OR9G1: variants seen among roughly 807,000 people sequenced by gnomAD.
OR9G1 encodes the protein olfactory receptor family 9 subfamily G member 1, also known as olfactory receptor 9G1.
Under a neutral mutation model 14.5 loss-of-function variants are expected in OR9G1, and 21 were observed. That is an observed-to-expected ratio of 1.45 (90% CI 1.03 to 2.09). The LOEUF is 2.09. Among genes scored for constraint, OR9G1 ranks in the 30% most tolerant of loss-of-function variants. The probability of loss-of-function intolerance (pLI) is 0.00; values close to 1 mark genes in which losing one functional copy is unlikely to be tolerated. For missense variants in OR9G1, 476 were observed against 364.2 expected (o/e 1.31, Z -2.50); for synonymous variants, 179 against 153.3 (o/e 1.17, Z -1.24).
At chr11:56,699,387 A>T (rs1487603030) in intron 1 of OR9G1, among the ~76,000 whole-genome samples, 197 bp downstream of exon 1, 1 of 152,312 alleles carries the variant, frequency 6.6e-6, no homozygotes, top group Non-Finnish European at 1.5e-5. Flanking sequence ...ATTTACTCAG[A>T]AATAACACTG....
Position 56,703,337 on chromosome 11 carries a change from C to A in OR9G1, c.*2032C>A, listed in dbSNP as rs1263387327. The A allele has an allele frequency of 9.4e-6, 1 of 106,294 alleles. No individual in the cohort carries two copies. Among genetic ancestry groups the A allele is most frequent in the African/African-American group, 3.5e-5 (1 of 28,336 alleles). The allele number at this position is 106,294 out of a possible 1,614,324, so 6.6% of individuals were successfully genotyped here. A position where few individuals can be genotyped will look rare whatever the true frequency, so the allele number is the denominator to read the frequency against. ...GAAATAAAATCAATGCAAGTTGCAACACACAGTAACACAGCCGAAACAGAG... is the reference window on the plus strand; with the variant it reads ...GAAATAAAATCAATGCAAGTTGCAAAACACAGTAACACAGCCGAAACAGAG... On this transcript the variant is annotated 3_prime_UTR_variant, in exon 2 of 2. Coordinates refer to ENST00000642097, the MANE Select transcript of OR9G1 (RefSeq NM_001005213.2).
At position 56,701,007 on chromosome 11, in the gene OR9G1, T is replaced by C; in HGVS notation, c.620T>C (p.Ile207Thr). The change falls in exon 2 of 2, where the codon ATC (isoleucine) becomes ACC (threonine). Residue 207 changes from isoleucine (I) to threonine (T), a missense_variant. This residue lies in a region of OR9G1 where 352 missense variants were observed against 211.6 expected (regional missense o/e 1.66). Coordinates refer to ENST00000642097, the MANE Select transcript of OR9G1 (RefSeq NM_001005213.2). ...MMYFLLASNV[I>T]CPAVLILASY... is the part of the protein sequence containing the mutation. ...TACTTCCTGCTGGCCTCCAATGTCA[T>C]CTGCCCCGCAGTGCTCATCCTGGCC... 1 of 1,614,272 alleles carries C rather than the reference T, an allele frequency of 6.2e-7. No individual in the cohort carries two copies. Among genetic ancestry groups the C allele is most frequent in the East Asian group, 2.2e-5 (1 of 44,896 alleles).
rs139056489 is a variant in OR9G1, at chr11:56,701,053, C to A, written c.666C>A (p.Thr222=). Reference sequence around the variant, plus strand: ...TGGCCTCCTACCTCTTTATCATCACCAGTGTCTTGAGGATCTCCTCCTCCA... The same window carrying A: ...TGGCCTCCTACCTCTTTATCATCACAAGTGTCTTGAGGATCTCCTCCTCCA... The part of the protein sequence containing the change: ...LILASYLFII[T]SVLRISSSKG... The change falls in exon 2 of 2, where the codon ACC becomes ACA. Residue 222 remains threonine, a synonymous_variant. Coordinates refer to ENST00000642097, the MANE Select transcript of OR9G1 (RefSeq NM_001005213.2). 11,380 of 1,613,046 alleles carry A rather than the reference C, an allele frequency of 7.1e-3. No homozygotes were observed. The highest frequency in any genetic ancestry group is 8.2e-3 in the Non-Finnish European group (9,647 of 1,179,076).
Position 56,702,068 on chromosome 11 carries a change from G to A in OR9G1, c.*763G>A, listed in dbSNP as rs546198946. The A allele has an allele frequency of 2.0e-4, 31 of 152,336 alleles. No individual in the cohort carries two copies. The highest frequency in any genetic ancestry group is 7.2e-4 in the African/African-American group (30 of 41,584). 9.4% of individuals were successfully genotyped at this position (152,336 alleles called of 1,614,324 possible). A position where few individuals can be genotyped will look rare whatever the true frequency, so the allele number is the denominator to read the frequency against. Reference sequence around the variant, plus strand: ...AAGTGAAACAATTTCAAAAATAAAAGTCTATGAGTACACATTGATCAACAG... The same window carrying A: ...AAGTGAAACAATTTCAAAAATAAAAATCTATGAGTACACATTGATCAACAG... On this transcript the variant is annotated 3_prime_UTR_variant, in exon 2 of 2. Transcript: ENST00000642097.
Position 56,701,080 on chromosome 11 carries a change from G to A in OR9G1, c.693G>A (p.Lys231=), listed in dbSNP as rs761499072. 5.0e-6 allele frequency: 8 copies of A among 1,614,296 alleles called. No homozygotes were observed. Among genetic ancestry groups the A allele is most frequent in the Admixed American group, 1.7e-5 (1 of 60,038 alleles). The change falls in exon 2 of 2, where the codon AAG becomes AAA. Residue 231 remains lysine, a synonymous_variant. Coordinates refer to ENST00000642097, the MANE Select transcript of OR9G1 (RefSeq NM_001005213.2). The part of the protein sequence containing the change: ...ITSVLRISSS[K]GYLKAFSTCS... ...GTGTCTTGAGGATCTCCTCCTCCAA[G>A]GGCTACCTCAAAGCCTTCTCCACAT...
rs760022880 is a variant in OR9G1, at chr11:56,700,811, T to C, written c.424T>C (p.Leu142=). 10 of 1,614,306 alleles carry C rather than the reference T, an allele frequency of 6.2e-6. No homozygotes were observed. The highest frequency in any genetic ancestry group is 7.6e-6 in the Non-Finnish European group (9 of 1,180,054). ...AQAMSIKLCA[L]LVAVSYCGGF... is the part of the protein sequence containing the mutation. ...GGCCATGTCCATAAAGCTGTGTGCATTGCTGGTAGCAGTCTCATATTGTGG... is the reference window on the plus strand; with the variant it reads ...GGCCATGTCCATAAAGCTGTGTGCACTGCTGGTAGCAGTCTCATATTGTGG... The change falls in exon 2 of 2, where the codon TTG becomes CTG. Residue 142 remains leucine (L), a synonymous_variant. Transcript: ENST00000642097.
Position 56,700,885 on chromosome 11 carries a change from C to A in OR9G1, c.498C>A (p.Asn166Lys), listed in dbSNP as rs779909168. 1.9e-6 allele frequency: 3 copies of A among 1,614,148 alleles called. No individual in the cohort carries two copies. The highest frequency in any genetic ancestry group is 1.7e-5 in the Admixed American group (1 of 60,014). Residue 166 changes from asparagine to lysine, a missense_variant, in exon 2 of 2, where the codon AAC (asparagine) becomes AAA (lysine). Physicochemically the swap from Asn to Lys is moderately conservative, Grantham distance 94 (BLOSUM62 0). Around this residue, in one of 3 missense-constraint regions of OR9G1, gnomAD observed 352 missense variants for 211.6 expected, o/e 1.66. Coordinates refer to ENST00000642097, the MANE Select transcript of OR9G1 (RefSeq NM_001005213.2). ...SIITKKTFSF[N>K]FCRENIIDDF... Reference sequence around the variant, plus strand: ...TCACCAAGAAAACGTTTTCCTTTAACTTCTGCCGTGAAAACATCATTGATG... The same window carrying A: ...TCACCAAGAAAACGTTTTCCTTTAAATTCTGCCGTGAAAACATCATTGATG...
intron 1 of OR9G1, among the ~76,000 whole-genome samples, chr11:56,699,943 A>G (rs940245437): frequency 2.0e-5 from 3 of 152,418 alleles, no homozygotes; most frequent in African/African-American, 4.8e-5. Context: ...ATGCTTTCAT[A>G]ATGTTTCAAT....
chr11:56,703,365 C>T lies in OR9G1; in HGVS notation c.*2060C>T, dbSNP rs556299327. The T allele has an allele frequency of 1.3e-5, 2 of 152,416 alleles. No homozygotes were observed. The highest frequency in any genetic ancestry group is 4.1e-4 in the South Asian group (2 of 4,834). 9.4% of individuals were successfully genotyped at this position (152,416 alleles called of 1,614,324 possible). On this transcript the variant is annotated 3_prime_UTR_variant, in exon 2 of 2. Transcript: ENST00000642097. ...ACAGTAACACAGCCGAAACAGAGTC[C>T]AACAGTGTAATTCCAAGATGCTCGT...
chr11:56,700,912 C>T lies in OR9G1; in HGVS notation c.525C>T (p.Asp175=), dbSNP rs774041925. The T allele has an allele frequency of 1.2e-6, 2 of 1,614,266 alleles. No homozygotes were observed. The highest frequency in any genetic ancestry group is 1.7e-6 in the Non-Finnish European group (2 of 1,180,014). Residue 175 remains aspartate, a synonymous_variant, in exon 2 of 2, where the codon GAC becomes GAT. Coordinates refer to ENST00000642097, the MANE Select transcript of OR9G1 (RefSeq NM_001005213.2). ...TCTGCCGTGAAAACATCATTGATGA[C>T]TTTTTCTGTGATTTGCTTCCCTTGG... The part of the protein sequence containing the change: ...FNFCRENIID[D]FFCDLLPLVE...
Position 56,702,505 on chromosome 11 carries a change from T to TCC in OR9G1, c.*1202_*1203dup, listed in dbSNP as rs924868679. The TCC allele has an allele frequency of 1.3e-5, 2 of 152,246 alleles. No individual in the cohort carries two copies. The highest frequency in any genetic ancestry group is 4.8e-5 in the African/African-American group (2 of 41,480). 9.4% of individuals were successfully genotyped at this position (152,246 alleles called of 1,614,324 possible). On this transcript the variant is annotated 3_prime_UTR_variant, in exon 2 of 2. Transcript: ENST00000642097. Reference sequence around the variant, plus strand: ...TCAAAATGGCTGTGCTAATGTACATTCCCATCAATGGAGTATAAGAGTTCC... The same window carrying TCC: ...TCAAAATGGCTGTGCTAATGTACATTCCCCCATCAATGGAGTATAAGAGTTCC...
At position 56,701,960 on chromosome 11, in the gene OR9G1, C is replaced by A. The variant is rs1158542621; in HGVS notation, c.*655C>A. On this transcript the variant is annotated 3_prime_UTR_variant, in exon 2 of 2. Transcript: ENST00000642097. ...TCTTTATTTTACAGGGGTGAACTTA[C>A]AAGGACTTTTACATTAAAATTGTGA... The A allele has an allele frequency of 2.0e-5, 3 of 152,316 alleles. No homozygotes were observed. The East Asian group carries it at 5.8e-4, about 29-fold the overall frequency. 9.4% of individuals were successfully genotyped at this position (152,316 alleles called of 1,614,324 possible). A position where few individuals can be genotyped will look rare whatever the true frequency, so the allele number is the denominator to read the frequency against.
chr11:56,701,064 G>C lies in OR9G1; in HGVS notation c.677G>C (p.Arg226Thr), dbSNP rs146236029. Residue 226 changes from arginine (R) to threonine (T), a missense_variant, in exon 2 of 2, where the codon AGG (arginine) becomes ACG (threonine). Arg to Thr is a moderately conservative substitution (Grantham distance 71). This residue lies in a region of OR9G1 where 352 missense variants were observed against 211.6 expected (regional missense o/e 1.66). Coordinates refer to ENST00000642097, the MANE Select transcript of OR9G1 (RefSeq NM_001005213.2). The stretch of plus-strand genomic sequence containing the variant: ...CTCTTTATCATCACCAGTGTCTTGA[G>C]GATCTCCTCCTCCAAGGGCTACCTC... ...SYLFIITSVL[R>T]ISSSKGYLKA... The C allele has an allele frequency of 8.7e-6, 14 of 1,614,306 alleles. No homozygotes were observed. In the South Asian group the frequency reaches 1.4e-4, roughly 16 times the overall value.
At position 56,701,163 on chromosome 11, in the gene OR9G1, C is replaced by G. The variant is rs746378934; in HGVS notation, c.776C>G (p.Ala259Gly). 3 of 1,614,312 alleles carry G rather than the reference C, an allele frequency of 1.9e-6. No individual in the cohort carries two copies. The highest frequency in any genetic ancestry group is 2.2e-5 in the East Asian group (1 of 44,896). ...TATGGCTCCATTCTCTACATCTACG[C>G]TCTCCCCAGATCTAGCTATTCTTTT... ...LYYGSILYIY[A>G]LPRSSYSFDM... Residue 259 changes from alanine to glycine, a missense_variant, in exon 2 of 2, where the codon GCT (alanine) becomes GGT (glycine). Ala to Gly is a moderately conservative substitution (Grantham distance 60). Coordinates refer to ENST00000642097, the MANE Select transcript of OR9G1 (RefSeq NM_001005213.2).
Position 56,700,412 on chromosome 11 carries a change from AC to A in OR9G1, c.26del (p.Thr9MetfsTer31), listed in dbSNP as rs1857592869. ...CATGCAGAGGAGCAATCATACAGTG[AC>A]TGAGTTTATACTGCTGGGCTTCACC... The part of the protein sequence containing the change: MQRSNHTV[T>X]EFILLGFTTD... On this transcript the variant is annotated frameshift_variant, in exon 2 of 2. Coordinates refer to ENST00000642097, the MANE Select transcript of OR9G1 (RefSeq NM_001005213.2). LOFTEE classifies it high-confidence loss of function. 2 of 1,614,290 alleles carry A rather than the reference AC, an allele frequency of 1.2e-6. No homozygotes were observed. The highest frequency in any genetic ancestry group is 8.5e-7 in the Non-Finnish European group (1 of 1,180,048).
At position 56,701,366 on chromosome 11, in the gene OR9G1, TCAAA is replaced by T. The variant is rs1180128674; in HGVS notation, c.*64_*67del. Reference sequence around the variant, plus strand: ...GACCTTAGATGGAGTGTTGTGTATTTCAAACAGAGTTACCATTGTGCTTTATCGT... The same window carrying T: ...GACCTTAGATGGAGTGTTGTGTATTTCAGAGTTACCATTGTGCTTTATCGT... On this transcript the variant is annotated 3_prime_UTR_variant, in exon 2 of 2. Coordinates refer to ENST00000642097, the MANE Select transcript of OR9G1 (RefSeq NM_001005213.2). 4 of 1,528,084 alleles carry T rather than the reference TCAAA, an allele frequency of 2.6e-6. No homozygotes were observed. Among genetic ancestry groups the T allele is most frequent in the East Asian group, 4.5e-5 (2 of 44,600 alleles). The allele number at this position is 1,528,084 out of a possible 1,614,324, so 94.7% of individuals were successfully genotyped here.
At chr11:56,699,760 T>C (rs1360860858) in intron 1 of OR9G1, among the ~76,000 whole-genome samples, 1 of 152,308 alleles carries the variant, frequency 6.6e-6, no homozygotes, top group Non-Finnish European at 1.5e-5. Context: ...ATTGTGTTTA[T>C]TATAGAATAT....
rs1310470348 is a variant in OR9G1, at chr11:56,700,839, G to C, written c.452G>C (p.Gly151Ala). The C allele has an allele frequency of 6.2e-7, 1 of 1,614,320 alleles. No individual in the cohort carries two copies. The highest frequency in any genetic ancestry group is 8.5e-7 in the Non-Finnish European group (1 of 1,180,062). ...ALLVAVSYCG[G>A]FINSSIITKK... is the part of the protein sequence containing the mutation. Reference sequence around the variant, plus strand: ...CTGGTAGCAGTCTCATATTGTGGTGGCTTTATTAACTCTTCAATCATCACC... The same window carrying C: ...CTGGTAGCAGTCTCATATTGTGGTGCCTTTATTAACTCTTCAATCATCACC... Residue 151 changes from glycine to alanine, a missense_variant, in exon 2 of 2, where the codon GGC (glycine) becomes GCC (alanine). By Grantham distance (60) the Gly-to-Ala change is moderately conservative. Coordinates refer to ENST00000642097, the MANE Select transcript of OR9G1 (RefSeq NM_001005213.2).
chr11:56,701,015 G>T lies in OR9G1; in HGVS notation c.628G>T (p.Ala210Ser). 6.2e-7 allele frequency: 1 copy of T among 1,614,254 alleles called. No homozygotes were observed. Among genetic ancestry groups the T allele is most frequent in the Non-Finnish European group, 8.5e-7 (1 of 1,180,006 alleles). ...FLLASNVICP[A>S]VLILASYLFI... is the part of the protein sequence containing the mutation. ...GCTGGCCTCCAATGTCATCTGCCCC[G>T]CAGTGCTCATCCTGGCCTCCTACCT... The change falls in exon 2 of 2, where the codon GCA (alanine) becomes TCA (serine). Residue 210 changes from alanine to serine, a missense_variant. Ala to Ser is a moderately conservative substitution (Grantham distance 99). Coordinates refer to ENST00000642097, the MANE Select transcript of OR9G1 (RefSeq NM_001005213.2).
Sources: gnomAD v4.1 joint callset for allele counts (sites outside exome capture counted in the v4.1 genomes callset) on GRCh38, gnomAD v4.1.1 for gene constraint, gnomAD v4.1.1 regional missense constraint, MANE v1.5 for transcripts, NCBI Gene and HGNC (gene_info 2026-07-23, HGNC 2026-07-21) for gene names.